The following RAC1 variants were observed in gnomAD, a reference collection of about 807,000 sequenced individuals.
The protein encoded by RAC1 is Rac family small GTPase 1, also known as ras-related C3 botulinum toxin substrate 1.
A neutral mutation model predicts 25.2 loss-of-function variants in RAC1; 2 were observed. The observed-to-expected ratio is 0.08, with a 90% CI of 0.03 to 0.25. The LOEUF is 0.25. Ranked by LOEUF, RAC1 falls within the 10% of genes least tolerant of loss-of-function variation. The pLI is 1.00. For missense variants in RAC1, 50 were observed against 235.7 expected, an observed-to-expected ratio of 0.21 and a Z score of 5.16; for synonymous variants, 88 against 94.0, an observed-to-expected ratio of 0.94 and a Z score of 0.37.
chr7:6,397,755 A>G (rs1583269238), intron 3 of RAC1, among the ~76,000 whole-genome samples: 2 of 152,188 alleles, frequency 1.3e-5, no homozygotes, highest in South Asian at 2.1e-4. Flanking sequence ...TGGGAAGCCA[A>G]GGTGGGTGGA....
chr7:6,392,537 T>G (rs1783117040), intron 3 of RAC1, among the ~76,000 whole-genome samples: 1 of 152,226 alleles, frequency 6.6e-6, no homozygotes, highest in South Asian at 2.1e-4. Flanking sequence ...GATTGAAGTT[T>G]TGGTTTTGTA....
At chr7:6,383,384 G>T (rs1409461334) in intron 1 of RAC1, among the ~76,000 whole-genome samples, 1 of 152,032 alleles carries the variant, frequency 6.6e-6, no homozygotes, top group African/African-American at 2.4e-5. Context: ...GACTTAAAGA[G>T]GAGTCGATTT....
intron 3 of RAC1, among the ~76,000 whole-genome samples, chr7:6,396,357 G>T (rs967929266): frequency 1.3e-5 from 2 of 152,120 alleles, no homozygotes; most frequent in Admixed American, 6.5e-5. Context: ...CGGCCGGGAG[G>T]AGGGGATGCT....
chr7:6,402,114 G>C, intron 5 of RAC1, 87 bp downstream of exon 5: 1 of 1,499,548 alleles, frequency 6.7e-7, no homozygotes, highest in Non-Finnish European at 9.1e-7. Context: ...AGGAGGGTGT[G>C]TGTCTCCCAC....
chr7:6,390,654 G>A (rs1201304209), intron 2 of RAC1, among the ~76,000 whole-genome samples: 1 of 151,424 alleles, frequency 6.6e-6, no homozygotes, highest in Non-Finnish European at 1.5e-5. Context: ...ATTGTATGTT[G>A]TACTTAGAAA....
intron 3 of RAC1, among the ~76,000 whole-genome samples, chr7:6,399,589 A>C (rs1332321899): frequency 6.6e-6 from 1 of 152,136 alleles, no homozygotes; most frequent in Admixed American, 6.5e-5. Flanking sequence ...GGGCAGCGTG[A>C]GGGTGGTTGT....
chr7:6,401,841 C>A, intron 4 of RAC1, 27 bp from the exon 5 acceptor site: 1 of 1,599,230 alleles, frequency 6.3e-7, no homozygotes, highest in South Asian at 1.1e-5. Context: ...GAGCGTGTCA[C>A]AACCTCTGTT....
At chr7:6,375,726 T>G (rs1782564515) in intron 1 of RAC1, 1 of 151,958 alleles carries the variant, frequency 6.6e-6, no homozygotes, top group African/African-American at 2.4e-5. Context: ...GTTCTTTGCT[T>G]AACGCGTTAG....
intron 4 of RAC1, among the ~76,000 whole-genome samples, chr7:6,400,798 C>G (rs1783377838): frequency 6.6e-6 from 1 of 152,144 alleles, no homozygotes; most frequent in Admixed American, 6.5e-5. Context: ...GCCTCAGCCT[C>G]CCGAGTAACT....
chr7:6,397,494 C>T (rs1434624322), intron 3 of RAC1, among the ~76,000 whole-genome samples: 1 of 151,938 alleles, frequency 6.6e-6, no homozygotes, highest in Non-Finnish European at 1.5e-5. Context: ...AGGGTTTCAC[C>T]ATCTTGGCCA....
At position 6,387,200 on chromosome 7, in the gene RAC1, CTT is replaced by C; in HGVS notation, c.36-10_36-9del. The stretch of plus-strand genomic sequence containing the variant: ...ATGTTGACTAAGCAACCTTTTTTCT[CTT>C]TCTCTTTAGAGCTGTAGGTAAAACT... On this transcript the variant is annotated splice_polypyrimidine_tract_variant and intron_variant, in intron 1 of 5. Transcript: ENST00000348035. 6.5e-7 allele frequency: 1 copy of C among 1,536,678 alleles called. No individual in the cohort carries two copies. Among genetic ancestry groups the C allele is most frequent in the Non-Finnish European group, 8.8e-7 (1 of 1,137,556 alleles).
At chr7:6,377,251 T>C (rs924895430) in intron 1 of RAC1, among the ~76,000 whole-genome samples, 5 of 152,142 alleles carry the variant, frequency 3.3e-5, no homozygotes, top group African/African-American at 1.2e-4. Context: ...AGTTATTTTT[T>C]AATACTATGT....
At position 6,402,387 on chromosome 7, in the gene RAC1, C is replaced by G. The variant is rs760791797; in HGVS notation, c.520C>G (p.Arg174Gly). 1 of 1,611,584 alleles carries G rather than the reference C, an allele frequency of 6.2e-7. No individual in the cohort carries two copies. The highest frequency in any genetic ancestry group is 1.7e-5 in the Admixed American group (1 of 59,810). The change falls in exon 6 of 6, where the codon CGA (arginine) becomes GGA (glycine). Residue 174 changes from arginine (R) to glycine (G), a missense_variant. By Grantham distance (125) the Arg-to-Gly change is moderately radical. Coordinates refer to ENST00000348035, the MANE Select transcript of RAC1 (RefSeq NM_006908.5). The stretch of plus-strand genomic sequence containing the variant: ...CAAGACAGTGTTTGACGAAGCGATC[C>G]GAGCAGTCCTCTGCCCGCCTCCCGT... ...GLKTVFDEAI[R>G]AVLCPPPVKK...
chr7:6,396,079 C>G (rs977969604), intron 3 of RAC1, among the ~76,000 whole-genome samples: 2 of 152,072 alleles, frequency 1.3e-5, no homozygotes, highest in Admixed American at 1.3e-4. Flanking sequence ...GAAGGCACCA[C>G]GTGTGTAACA....
intron 1 of RAC1, among the ~76,000 whole-genome samples, chr7:6,375,681 T>A (rs984968075): frequency 6.6e-6 from 1 of 151,834 alleles, no homozygotes; most frequent in Admixed American, 6.6e-5. Flanking sequence ...TTTTTTTTTT[T>A]TAAACAACGT....
chr7:6,390,937 G>T (rs755170946), intron 2 of RAC1, among the ~76,000 whole-genome samples: 4 of 151,716 alleles, frequency 2.6e-5, no homozygotes, highest in African/African-American at 9.7e-5. Context: ...CGCACTTGTT[G>T]CCCAGGCCGG....
intron 3 of RAC1, among the ~76,000 whole-genome samples, chr7:6,394,672 A>AGTTGTT (rs141162322): frequency 2.0e-4 from 30 of 151,514 alleles, no homozygotes; most frequent in East Asian, 1.8e-3. Flanking sequence ...CTAGGCTAAA[A>AGTTGTT]GTTGTTGTTG....
At chr7:6,389,883 T>A (rs1380966071) in intron 2 of RAC1, among the ~76,000 whole-genome samples, 1 of 152,098 alleles carries the variant, frequency 6.6e-6, no homozygotes, top group African/African-American at 2.4e-5. Context: ...TTAAATCTTT[T>A]GTATTTTTCT....
chr7:6,384,766 G>C (rs1189251488), intron 1 of RAC1, among the ~76,000 whole-genome samples: 1 of 151,768 alleles, frequency 6.6e-6, no homozygotes, highest in Non-Finnish European at 1.5e-5. Flanking sequence ...GGGATTACAG[G>C]CCTAAGCCAC....
Sources: gnomAD v4.1 joint callset for allele counts (sites outside exome capture counted in the v4.1 genomes callset) on GRCh38, gnomAD v4.1.1 for gene constraint, MANE v1.5 for transcripts, NCBI Gene and HGNC (gene_info 2026-07-23, HGNC 2026-07-21) for gene names.